ERO1A: variants seen among roughly 807,000 people sequenced by gnomAD.
ERO1A encodes the protein endoplasmic reticulum oxidoreductase 1 alpha, also known as ERO1-like protein alpha.
A neutral mutation model predicts 76.9 loss-of-function variants in ERO1A; 49 were observed. The ratio of observed to expected loss-of-function variants is 0.64; its 90% CI spans 0.51 to 0.81. ERO1A has a LOEUF of 0.81. ERO1A is among the 30% of genes least tolerant of loss of function. ERO1A has a pLI of 0.00. For synonymous variants in ERO1A, 174 were observed against 181.2 expected, an observed-to-expected ratio of 0.96 and a Z score of 0.32; for missense variants, 448 against 542.1, an observed-to-expected ratio of 0.83 and a Z score of 1.72.
At chr14:52,655,396 CATCT>C (rs2040011648) in intron 11 of ERO1A, among the ~76,000 whole-genome samples, 1 of 152,018 alleles carries the variant, frequency 6.6e-6, no homozygotes, top group Non-Finnish European at 1.5e-5. Context: ...CAAAGTGTGA[CATCT>C]ATCTAATTTG....
At chr14:52,685,053 C>T (rs537868839) in intron 1 of ERO1A, among the ~76,000 whole-genome samples, 13 of 151,944 alleles carry the variant, frequency 8.6e-5, no homozygotes, top group African/African-American at 2.9e-4. Context: ...GATCTATAGC[C>T]TAGAAATAAA....
intron 1 of ERO1A, among the ~76,000 whole-genome samples, chr14:52,691,438 A>G (rs2041351150): frequency 6.6e-6 from 1 of 152,226 alleles, no homozygotes; most frequent in Non-Finnish European, 1.5e-5. Flanking sequence ...CCTGGAATGC[A>G]GCACACACAT....
intron 11 of ERO1A, among the ~76,000 whole-genome samples, chr14:52,653,587 T>C (rs550579371): frequency 6.6e-6 from 1 of 151,908 alleles, no homozygotes; most frequent in Non-Finnish European, 1.5e-5. Context: ...TGCAGGTGCA[T>C]AGTATCTGCT....
chr14:52,680,082 C>CAAAAAAAAAAAAAAAACAAAAA, intron 3 of ERO1A, among the ~76,000 whole-genome samples: 1 of 90,934 alleles, frequency 1.1e-5, no homozygotes, highest in Non-Finnish European at 2.2e-5. Flanking sequence ...AAAACACAAA[C>CAAAAAAAAAAAAAAAACAAAAA]AAAAAAAAAA....
At chr14:52,684,146 CACACAG>C (rs749460973) in intron 1 of ERO1A, among the ~76,000 whole-genome samples, 166 of 128,654 alleles carry the variant, frequency 1.3e-3, no homozygotes, top group African/African-American at 1.6e-3. Flanking sequence ...CACACACACA[CACACAG>C]AGAGAGTTGG....
intron 1 of ERO1A, among the ~76,000 whole-genome samples, chr14:52,692,555 G>C (rs1007137254): frequency 1.8e-4 from 27 of 152,188 alleles, no homozygotes; most frequent in Non-Finnish European, 3.5e-4. Context: ...ATTTTAACTT[G>C]TATTTCCAAA....
chr14:52,683,852 TTAAA>T lies in ERO1A; in HGVS notation c.166_169del (p.Phe56IlefsTer23). 6.3e-7 allele frequency: 1 copy of T among 1,587,264 alleles called. No homozygotes were observed. The highest frequency in any genetic ancestry group is 8.6e-7 in the Non-Finnish European group (1 of 1,160,148). Reference sequence around the variant, plus strand: ...TAGTCTTGGGAAAAGCCTGTAGTTATTAAATCTATCAATGGTTTCAACATCACAG... The same window carrying T: ...TAGTCTTGGGAAAAGCCTGTAGTTATTCTATCAATGGTTTCAACATCACAG... On this transcript the variant is annotated frameshift_variant, in exon 2 of 16. Transcript: ENST00000395686. LOFTEE classifies it high-confidence loss of function.
chr14:52,674,305 G>C (rs1489004232), intron 4 of ERO1A, among the ~76,000 whole-genome samples: 1 of 152,068 alleles, frequency 6.6e-6, no homozygotes, highest in Non-Finnish European at 1.5e-5. Context: ...GCCTCCTCCT[G>C]TCTCAACCTC....
chr14:52,649,505 ACT>A (rs1393523478), intron 13 of ERO1A, among the ~76,000 whole-genome samples: 2 of 152,120 alleles, frequency 1.3e-5, no homozygotes, highest in Non-Finnish European at 2.9e-5. Flanking sequence ...TTACATCAAG[ACT>A]CTCTACCTAA....
chr14:52,663,446 A>G (rs1015593542), intron 8 of ERO1A, among the ~76,000 whole-genome samples: 1 of 151,856 alleles, frequency 6.6e-6, no homozygotes, highest in African/African-American at 2.4e-5. Context: ...AAAAATACAA[A>G]AAAATTTGCT....
intron 1 of ERO1A, among the ~76,000 whole-genome samples, chr14:52,687,780 T>C (rs945307929): frequency 6.6e-6 from 1 of 152,186 alleles, no homozygotes; most frequent in Admixed American, 6.5e-5. Context: ...CAAGTAATGA[T>C]AGCTTTTGGT....
intron 6 of ERO1A, among the ~76,000 whole-genome samples, chr14:52,667,845 G>A (rs1434670328): frequency 2.0e-5 from 3 of 151,780 alleles, no homozygotes; most frequent in South Asian, 4.1e-4. Context: ...GGACAAAAAC[G>A]GTCTCAATGC....
At chr14:52,678,680 G>A (rs972151029) in intron 3 of ERO1A, among the ~76,000 whole-genome samples, 2 of 152,176 alleles carry the variant, frequency 1.3e-5, no homozygotes, top group African/African-American at 4.8e-5. Flanking sequence ...CATACATTAT[G>A]TATATTACAG....
intron 8 of ERO1A, among the ~76,000 whole-genome samples, chr14:52,663,524 C>T (rs1382786480): frequency 6.6e-6 from 1 of 151,014 alleles, no homozygotes; most frequent in African/African-American, 2.4e-5. Flanking sequence ...GGCGTGAACC[C>T]GGGAGGCGAA....
At chr14:52,648,504 G>A (rs1245788690) in intron 13 of ERO1A, among the ~76,000 whole-genome samples, 1 of 152,078 alleles carries the variant, frequency 6.6e-6, no homozygotes, top group Non-Finnish European at 1.5e-5. Flanking sequence ...TCACATATAT[G>A]CACTATAAAT....
intron 13 of ERO1A, 103 bp from the exon 14 acceptor site, chr14:52,646,564 G>C (rs2039664510): frequency 1.3e-6 from 1 of 790,094 alleles, no homozygotes; most frequent in African/African-American, 1.8e-5. Context: ...AAGGTACTAT[G>C]GGGTACCAAA....
chr14:52,672,188 C>A, intron 4 of ERO1A: 1 of 184,778 alleles, frequency 5.4e-6, no homozygotes, highest in Non-Finnish European at 1.1e-5. Context: ...CGCCTGTAGT[C>A]CCAGCTACTC....
chr14:52,654,760 C>CT (rs1378461258), intron 11 of ERO1A, among the ~76,000 whole-genome samples: 2 of 152,124 alleles, frequency 1.3e-5, no homozygotes, highest in African/African-American at 4.8e-5. Flanking sequence ...TCCTAGTTAT[C>CT]TTTAGTTTTG....
At chr14:52,653,483 T>C (rs974683920) in intron 11 of ERO1A, among the ~76,000 whole-genome samples, 168 bp from the exon 12 acceptor site, 1 of 151,992 alleles carries the variant, frequency 6.6e-6, no homozygotes, top group Non-Finnish European at 1.5e-5. Context: ...AGTTTTATAT[T>C]AATATTTTAT....
Sources: gnomAD v4.1 joint callset for allele counts (sites outside exome capture counted in the v4.1 genomes callset) on GRCh38, gnomAD v4.1.1 for gene constraint, MANE v1.5 for transcripts, NCBI Gene and HGNC (gene_info 2026-07-23, HGNC 2026-07-21) for gene names.